The following CAMTA1 variants were observed in gnomAD, a reference collection of about 807,000 sequenced individuals.
CAMTA1 encodes calmodulin-binding transcription activator 1.
In CAMTA1, 27 loss-of-function variants were observed where a neutral mutation model predicts 170.9. That is an observed-to-expected ratio of 0.16 (90% CI 0.12 to 0.22). The LOEUF is 0.22. Among genes scored for constraint, CAMTA1 ranks in the 10% least tolerant of loss-of-function variants. The pLI, the probability that CAMTA1 is intolerant of heterozygous loss-of-function variation, is 1.00. For synonymous variants in CAMTA1, 833 were observed against 891.5 expected (o/e 0.93, Z 1.17); for missense variants, 1,619 against 2,217.2 (o/e 0.73, Z 5.42).
intron 6 of CAMTA1, among the ~76,000 whole-genome samples, chr1:7,488,995 C>T (rs1557797929): frequency 6.6e-6 from 1 of 152,168 alleles, no homozygotes; most frequent in Non-Finnish European, 1.5e-5. Flanking sequence ...ACGCTGCCAC[C>T]CCCAGCGCCA....
intron 3 of CAMTA1, among the ~76,000 whole-genome samples, chr1:6,988,731 A>G (rs1435322646): frequency 2.0e-5 from 3 of 152,094 alleles, no homozygotes; most frequent in Non-Finnish European, 4.4e-5. Context: ...GGATGAGCAA[A>G]CCTCATTCCC....
At chr1:7,199,467 C>T (rs1656229997) in intron 4 of CAMTA1, among the ~76,000 whole-genome samples, 1 of 152,226 alleles carries the variant, frequency 6.6e-6, no homozygotes, top group African/African-American at 2.4e-5. Flanking sequence ...GACACGGGCA[C>T]CCGACCCTAG....
chr1:7,739,748 T>C (rs2096797443), intron 16 of CAMTA1, among the ~76,000 whole-genome samples: 1 of 152,172 alleles, frequency 6.6e-6, no homozygotes, highest in African/African-American at 2.4e-5. Context: ...GATTCAGTTA[T>C]CTCCCACTGG....
intron 5 of CAMTA1, among the ~76,000 whole-genome samples, chr1:7,266,715 G>A (rs1357350413): frequency 1.3e-5 from 2 of 152,234 alleles, no homozygotes; most frequent in Non-Finnish European, 1.5e-5. Flanking sequence ...TGGTGACGGA[G>A]GAGGCAGGAA....
chr1:7,055,130 C>G lies in CAMTA1; in HGVS notation c.235-36174C>G, dbSNP rs141734768. Among the ~76,000 whole-genome samples, 6 of 152,304 alleles carry G rather than the reference C, an allele frequency of 3.9e-5. No individual in the cohort carries two copies. In the East Asian group the frequency reaches 1.2e-3, roughly 29 times the overall value. ...CATGATCCAGTCACCTCCTACCAGA[C>G]CCCACCTCTAACACCAGGGATAACA... is the stretch of plus-strand genomic sequence containing the variant. On this transcript the variant is annotated intron_variant, in intron 3 of 22. Coordinates refer to ENST00000303635, the MANE Select transcript of CAMTA1 (RefSeq NM_015215.4).
chr1:7,230,432 A>C (rs1175049117), intron 4 of CAMTA1, among the ~76,000 whole-genome samples: 2,500 of 38,070 alleles, frequency 0.066, no homozygotes, highest in Middle Eastern at 0.2. Flanking sequence ...CTCTGGGCTG[A>C]CCCCCCCCCC....
At chr1:7,261,479 T>A (rs753029258) in intron 5 of CAMTA1, among the ~76,000 whole-genome samples, 8 of 152,202 alleles carry the variant, frequency 5.3e-5, no homozygotes, top group Non-Finnish European at 1.2e-4. Context: ...ATCTCAGATT[T>A]CCAACGGAAG....
At chr1:7,162,847 G>T (rs1353936248) in intron 4 of CAMTA1, among the ~76,000 whole-genome samples, 1 of 152,216 alleles carries the variant, frequency 6.6e-6, no homozygotes, top group Non-Finnish European at 1.5e-5. Context: ...GCTGAGCCAT[G>T]TGGTGACTCC....
chr1:7,304,082 T>C (rs1199255265), intron 5 of CAMTA1, among the ~76,000 whole-genome samples: 2 of 152,080 alleles, frequency 1.3e-5, no homozygotes, highest in Non-Finnish European at 2.9e-5. Flanking sequence ...GATGAAGAGT[T>C]ATTGCTTAAA....
At chr1:7,106,322 T>G (rs1643587031) in intron 4 of CAMTA1, among the ~76,000 whole-genome samples, 2 of 145,390 alleles carry the variant, frequency 1.4e-5, no homozygotes, top group African/African-American at 2.6e-5. Flanking sequence ...AAGAGGAGGA[T>G]GAGGAGGAAA....
intron 5 of CAMTA1, among the ~76,000 whole-genome samples, chr1:7,449,908 G>C (rs942786431): frequency 1.3e-5 from 2 of 152,174 alleles, no homozygotes; most frequent in African/African-American, 2.4e-5. Context: ...CCCCAGGGGA[G>C]AAAGGCGTTT....
intron 3 of CAMTA1, among the ~76,000 whole-genome samples, chr1:6,898,017 AC>A (rs1276953512): frequency 6.6e-6 from 1 of 152,030 alleles, no homozygotes; most frequent in Non-Finnish European, 1.5e-5. Flanking sequence ...TATCTGAAAA[AC>A]CCTACGAATC....
rs540311540 is a variant in CAMTA1, at chr1:6,970,952, G to A, written c.235-120352G>A. ...AGCCTCTCCTTTCCTAAACCAGGCC[G>A]GCCCTGTCAGCCTGGCTCCAAACTT... is the stretch of plus-strand genomic sequence containing the variant. On this transcript the variant is annotated intron_variant, in intron 3 of 22. Coordinates refer to ENST00000303635, the MANE Select transcript of CAMTA1 (RefSeq NM_015215.4). The surrounding 1 kb of genome is among the most constrained non-coding windows in gnomAD (Gnocchi z 4.4). Among the ~76,000 whole-genome samples the A allele has an allele frequency of 5.9e-5, 9 of 152,264 alleles. No individual in the cohort carries two copies. In the South Asian group the frequency reaches 1.5e-3, roughly 25 times the overall value.
chr1:7,155,665 A>G (rs1003996812), intron 4 of CAMTA1, among the ~76,000 whole-genome samples: 1 of 152,006 alleles, frequency 6.6e-6, no homozygotes, highest in Non-Finnish European at 1.5e-5. Flanking sequence ...TCTTGAGCTC[A>G]AGTGATCCTC....
At chr1:7,507,109 C>T (rs915175678) in intron 6 of CAMTA1, among the ~76,000 whole-genome samples, 1 of 151,982 alleles carries the variant, frequency 6.6e-6, no homozygotes, top group East Asian at 1.9e-4. Context: ...CTTACATGCT[C>T]ACCCTCTAAC....
At chr1:7,117,909 C>T (rs981634006) in intron 4 of CAMTA1, among the ~76,000 whole-genome samples, 15 of 152,188 alleles carry the variant, frequency 9.9e-5, no homozygotes, top group Non-Finnish European at 1.5e-4. Flanking sequence ...GCCCTTTTAA[C>T]TCTCCTGGCT....
At position 7,729,114 on chromosome 1, in the gene CAMTA1, C is replaced by CTTTTTTTTTTT. The variant is rs146252158; in HGVS notation, c.2915-3325_2915-3324insTTTTTTTTTTT. On this transcript the variant is annotated intron_variant, in intron 11 of 22. Transcript: ENST00000303635. ...TTTATTAGAAATTAATATGAGGAAT[C>CTTTTTTTTTTT]TTTTTTTTTCTTTTTTTTTTGAGAC... Among the ~76,000 whole-genome samples the CTTTTTTTTTTT allele has an allele frequency of 1.4e-5, 2 of 142,280 alleles. 1 individual carries two copies. Among genetic ancestry groups the CTTTTTTTTTTT allele is most frequent in the Non-Finnish European group, 3.1e-5 (2 of 64,668 alleles). 93.3% of individuals were successfully genotyped at this position (142,280 alleles called of 152,430 possible). A position where few individuals can be genotyped will look rare whatever the true frequency, so the allele number is the denominator to read the frequency against.
intron 3 of CAMTA1, among the ~76,000 whole-genome samples, chr1:6,878,651 C>G (rs1557750435): frequency 6.6e-6 from 1 of 152,210 alleles, no homozygotes; most frequent in African/African-American, 2.4e-5. Flanking sequence ...TATCTTAGCA[C>G]TTTTCCAGGA....
intron 7 of CAMTA1, among the ~76,000 whole-genome samples, chr1:7,643,680 A>G (rs765660973): frequency 1.3e-5 from 2 of 152,242 alleles, no homozygotes; most frequent in Non-Finnish European, 2.9e-5. Flanking sequence ...AAATTATGTA[A>G]AACTACAACA....
Sources: gnomAD v4.1 joint callset for allele counts (sites outside exome capture counted in the v4.1 genomes callset) on GRCh38, gnomAD v4.1.1 for gene constraint, Gnocchi (gnomAD v3.1) non-coding constraint, MANE v1.5 for transcripts, NCBI Gene and HGNC (gene_info 2026-07-23, HGNC 2026-07-21) for gene names.